MYCBP2: variants seen among roughly 807,000 people sequenced by gnomAD.
The protein encoded by MYCBP2 is MYC binding protein 2.
Under a neutral mutation model 525.3 loss-of-function variants are expected in MYCBP2, and 120 were observed. That is an observed-to-expected ratio of 0.23 (90% CI 0.20 to 0.27). The LOEUF (loss-of-function observed/expected upper bound fraction) is 0.27. Among genes scored for constraint, MYCBP2 ranks in the 10% least tolerant of loss-of-function variants. The probability of loss-of-function intolerance (pLI) is 1.00; values close to 1 mark genes in which losing one functional copy is unlikely to be tolerated. For synonymous variants in MYCBP2, 1,894 were observed against 1,955.8 expected (o/e 0.97, Z 0.83); for missense variants, 4,149 against 5,657.1 (o/e 0.73, Z 8.55).
At chr13:77,189,152 T>A in intron 29 of MYCBP2, 105 bp from the exon 30 acceptor site, 1 of 756,458 alleles carries the variant, frequency 1.3e-6, no homozygotes, top group Non-Finnish European at 1.9e-6. Flanking sequence ...ATTATATATT[T>A]AAATTTTTTT....
intron 21 of MYCBP2, 58 bp from the exon 22 acceptor site, chr13:77,212,218 T>A (rs1030358644): frequency 6.7e-7 from 1 of 1,485,808 alleles, no homozygotes; most frequent in African/African-American, 1.4e-5. Flanking sequence ...CTAATTTTCA[T>A]AAAGTTAAGG....
intron 5 of MYCBP2, among the ~76,000 whole-genome samples, chr13:77,273,259 G>A (rs2154346638): frequency 6.6e-6 from 1 of 152,292 alleles, no homozygotes; most frequent in South Asian, 2.1e-4. Context: ...GATTTAAGAG[G>A]TCTGGCCAAA....
intron 2 of MYCBP2, among the ~76,000 whole-genome samples, chr13:77,294,104 C>CTATATATATATA (rs1197370334): frequency 0.082 from 3,399 of 41,636 alleles, 324 homozygotes; most frequent in East Asian, 0.1. Flanking sequence ...GATATAATGG[C>CTATATATATATA]TATATATATA....
In MYCBP2 at chr13:77,058,355, C is replaced by T. The variant is rs368846600; in HGVS notation, c.13192G>A (p.Gly4398Arg). 6.8e-6 allele frequency: 11 copies of T among 1,613,764 alleles called. No individual in the cohort carries two copies. Among genetic ancestry groups the T allele is most frequent in the East Asian group, 4.5e-5 (2 of 44,824 alleles). ...SKTHPCGHPC[G>R]GVKNEEHCLP... ...CAGTGCTCTTCGTTTTTAACACCCC[C>T]GCATGGATGGCCACAAGGATGCGTC... The change falls in exon 78 of 83, where the codon GGG (glycine) becomes AGG (arginine). Residue 4398 changes from glycine (G) to arginine (R), a missense_variant. Around this residue, in one of 21 missense-constraint regions of MYCBP2, gnomAD observed 220 missense variants for 396.0 expected, o/e 0.56. Transcript: ENST00000544440. This position sits in a 1 kb window ranked among gnomAD's most constrained non-coding sequence, Gnocchi z 4.1.
chr13:77,280,068 C>A (rs1317343659), intron 3 of MYCBP2, among the ~76,000 whole-genome samples: 1 of 152,154 alleles, frequency 6.6e-6, no homozygotes, highest in East Asian at 1.9e-4. Context: ...AATTTATTCA[C>A]TAAATTGTTT....
intron 17 of MYCBP2, among the ~76,000 whole-genome samples, chr13:77,241,157 C>T (rs973476065): frequency 2.0e-5 from 3 of 151,958 alleles, no homozygotes; most frequent in African/African-American, 7.3e-5. Context: ...TTATGTTTCA[C>T]AGGTTTATGT....
At chr13:77,143,604 T>C (rs1305065961) in intron 49 of MYCBP2, among the ~76,000 whole-genome samples, 2 of 152,208 alleles carry the variant, frequency 1.3e-5, no homozygotes, top group African/African-American at 4.8e-5. Flanking sequence ...TCAGACTCCA[T>C]AATTGTGCGA....
chr13:77,204,814 C>T (rs1385490463), intron 26 of MYCBP2, among the ~76,000 whole-genome samples: 1 of 131,670 alleles, frequency 7.6e-6, no homozygotes, highest in African/African-American at 2.8e-5. Context: ...AACCAAACAC[C>T]GCATATTCTC....
intron 1 of MYCBP2, among the ~76,000 whole-genome samples, chr13:77,303,275 G>C (rs1243050005): frequency 6.6e-6 from 1 of 152,230 alleles, no homozygotes; most frequent in Non-Finnish European, 1.5e-5. Context: ...GGCGGTTGCA[G>C]TGTGCGTAGA....
At chr13:77,177,486 C>G (rs930955978) in intron 35 of MYCBP2, among the ~76,000 whole-genome samples, 1 of 151,632 alleles carries the variant, frequency 6.6e-6, no homozygotes, top group Non-Finnish European at 1.5e-5. Context: ...GGATTACAGG[C>G]GTGCGTTGTA....
chr13:77,189,341 C>T (rs1595267211), intron 29 of MYCBP2, among the ~76,000 whole-genome samples: 1 of 151,996 alleles, frequency 6.6e-6, no homozygotes, highest in African/African-American at 2.4e-5. Context: ...TCTAGTAATG[C>T]TACTATTAAT....
At chr13:77,177,355 G>C (rs944414033) in intron 35 of MYCBP2, among the ~76,000 whole-genome samples, 4 of 41,180 alleles carry the variant, frequency 9.7e-5, no homozygotes, top group Non-Finnish European at 1.9e-4. Context: ...TTTTTTTTTT[G>C]AGACAGGGTC....
intron 43 of MYCBP2, among the ~76,000 whole-genome samples, chr13:77,164,045 A>G (rs1404056134): frequency 1.3e-5 from 2 of 152,246 alleles, no homozygotes; most frequent in African/African-American, 2.4e-5. Context: ...ATGTCTTTAA[A>G]TAACGATCAT....
chr13:77,206,426 T>C (rs187445131), intron 24 of MYCBP2, among the ~76,000 whole-genome samples: 102 of 152,004 alleles, frequency 6.7e-4, no homozygotes, highest in Non-Finnish European at 1.1e-3. Context: ...AGGGTCTACC[T>C]CTGTGAAAAT....
rs1462395080 is a variant in MYCBP2 at position 77,181,702 on chromosome 13, T to C, written c.4940A>G (p.Gln1647Arg). The C allele has an allele frequency of 1.9e-6, 3 of 1,613,372 alleles. No homozygotes were observed. The highest frequency in any genetic ancestry group is 2.2e-5 in the South Asian group (2 of 91,038). ...LLVAHMEKLS[Q>R]SEENISGMTS... ...AAAAGATTTCAGAGACAGACCTACC[T>C]GGCTGAGTTTTTCCATATGTGCCAC... The change falls in exon 33 of 83, where the codon CAG becomes CGG. Residue 1647 changes from glutamine (Q) to arginine (R), a missense_variant and splice_region_variant. Gln to Arg is a conservative substitution (Grantham distance 43). Transcript: ENST00000544440.
intron 3 of MYCBP2, among the ~76,000 whole-genome samples, chr13:77,281,903 A>G (rs1301592603): frequency 6.6e-6 from 1 of 152,220 alleles, no homozygotes; most frequent in Non-Finnish European, 1.5e-5. Flanking sequence ...CTATACTTTT[A>G]TATTTGAAAA....
intron 17 of MYCBP2, 38 bp from the exon 18 acceptor site, chr13:77,233,301 A>G: frequency 6.9e-7 from 1 of 1,457,616 alleles, no homozygotes; most frequent in Non-Finnish European, 9.6e-7. Context: ...AGAAAAACTC[A>G]CAAAATGAAA....
rs1254783833 is a variant in MYCBP2 at position 77,170,386 on chromosome 13, C to T, written c.5795-672G>A. On this transcript the variant is annotated intron_variant, in intron 38 of 82. Transcript: ENST00000544440. ...TTTATTTTATAAGCCAATTATTCTC[C>T]CAAATACTGATTCCTAGGTCTGCTG... Among the ~76,000 whole-genome samples the T allele has an allele frequency of 2.6e-5, 4 of 152,108 alleles. No individual in the cohort carries two copies. In the East Asian group the frequency reaches 7.7e-4, roughly 29 times the overall value.
chr13:77,259,364 G>A (rs572242360), intron 13 of MYCBP2, among the ~76,000 whole-genome samples: 7 of 151,972 alleles, frequency 4.6e-5, no homozygotes, highest in Non-Finnish European at 8.8e-5. Flanking sequence ...ACTGTCTCTC[G>A]GATCCTCAAA....
Sources: allele counts gnomAD v4.1 joint callset (sites outside exome capture counted in the v4.1 genomes callset), GRCh38; gene constraint gnomAD v4.1.1; regional missense constraint gnomAD v4.1.1; non-coding constraint Gnocchi (gnomAD v3.1); transcripts MANE v1.5; gene names NCBI Gene and HGNC (gene_info 2026-07-23, HGNC 2026-07-21).